BRWD1: variants seen among roughly 807,000 people sequenced by gnomAD.
BRWD1 encodes the protein bromodomain and WD repeat-containing protein 1.
BRWD1 carries 82 observed loss-of-function variants against 251.2 expected under a neutral mutation model. The observed-to-expected ratio is 0.33, with a 90% CI of 0.27 to 0.39. BRWD1 has a LOEUF of 0.39. Among genes scored for constraint, BRWD1 ranks in the 10% least tolerant of loss-of-function variants. The pLI is 1.00. For missense variants in BRWD1, 2,233 were observed against 2,711.6 expected (o/e 0.82, Z 3.92); for synonymous variants, 918 against 902.8 (o/e 1.02, Z -0.30).
At chr21:39,283,212 A>G (rs1452255138) in intron 8 of BRWD1, among the ~76,000 whole-genome samples, 1 of 152,212 alleles carries the variant, frequency 6.6e-6, no homozygotes, top group East Asian at 1.9e-4. Context: ...ATTCTCTTTT[A>G]AATGAGCTTG....
At chr21:39,310,645 C>G (rs8130099) in intron 4 of BRWD1, among the ~76,000 whole-genome samples, 141,037 of 152,214 alleles carry the variant, frequency 0.93, 65,698 homozygotes, top group African/African-American at 0.97. Flanking sequence ...TGATATACAG[C>G]GGTGCATTAC....
At chr21:39,278,952 C>T (rs1361737513) in intron 9 of BRWD1, 139 bp from the exon 10 acceptor site, 2 of 626,872 alleles carry the variant, frequency 3.2e-6, no homozygotes, top group South Asian at 4.9e-5. Flanking sequence ...CCACACTAGA[C>T]ACAAACTCTT....
chr21:39,317,796 C>G (rs555097944), upstream of BRWD1, among the ~76,000 whole-genome samples: 191 of 152,316 alleles, frequency 1.3e-3, no homozygotes, highest in Non-Finnish European at 1.9e-3. Context: ...CTCGTCTGTG[C>G]TATCAGCACT....
At chr21:39,314,465 A>C (rs988125497), upstream of BRWD1, 4 of 385,704 alleles carry the variant, frequency 1.0e-5, no homozygotes, top group Admixed American at 1.2e-4. Context: ...GACGGGCCGC[A>C]GACCCTCCTT....
intron 36 of BRWD1, among the ~76,000 whole-genome samples, chr21:39,208,960 C>T (rs10211894): frequency 1.4e-5 from 2 of 146,276 alleles, no homozygotes; most frequent in Admixed American, 6.9e-5. Flanking sequence ...AACAAAAATT[C>T]TTAAGTTTAC....
chr21:39,225,423 G>C (rs1355079281), intron 27 of BRWD1, among the ~76,000 whole-genome samples: 1 of 152,082 alleles, frequency 6.6e-6, no homozygotes, highest in African/African-American at 2.4e-5. Context: ...TTCAACCAGT[G>C]AAATAAACTG....
At chr21:39,246,544 A>T (rs2034195709) in intron 21 of BRWD1, among the ~76,000 whole-genome samples, 1 of 152,242 alleles carries the variant, frequency 6.6e-6, no homozygotes, top group Non-Finnish European at 1.5e-5. Flanking sequence ...ATGTCTAAAC[A>T]AAAACCTGTC....
At chr21:39,289,156 TCTC>T (rs941423015) in intron 8 of BRWD1, among the ~76,000 whole-genome samples, 1 of 152,200 alleles carries the variant, frequency 6.6e-6, no homozygotes, top group Non-Finnish European at 1.5e-5. Flanking sequence ...ACTGTTTTTT[TCTC>T]CTTTCTTGTT....
At chr21:39,297,733 A>G (rs1305685704) in intron 5 of BRWD1, 9 of 405,796 alleles carry the variant, frequency 2.2e-5, no homozygotes, top group Non-Finnish European at 2.7e-5. Context: ...GCATCACATC[A>G]GCAATAGCTC....
chr21:39,196,674 T>A lies in BRWD1; in HGVS notation c.6395A>T (p.His2132Leu). ...AEKEVKRKRSHPELENVKISE... is the reference protein window; with the variant it reads ...AEKEVKRKRSLPELENVKISE... The stretch of plus-strand genomic sequence containing the variant: ...GATTTTCACATTTTCCAATTCAGGA[T>A]GCGATCTCTTCCTTTTTACTTCCTT... Residue 2132 changes from histidine to leucine, a missense_variant, in exon 41 of 41, where the codon CAT (histidine) becomes CTT (leucine). Transcript: ENST00000342449. 6.2e-7 allele frequency: 1 copy of A among 1,613,998 alleles called. No homozygotes were observed. Among genetic ancestry groups the A allele is most frequent in the Non-Finnish European group, 8.5e-7 (1 of 1,179,902 alleles).
chr21:39,190,106 C>G lies in BRWD1; in HGVS notation c.*6153G>C. 3.0e-6 allele frequency: 3 copies of G among 985,232 alleles called. No individual in the cohort carries two copies. Among genetic ancestry groups the G allele is most frequent in the South Asian group, 4.7e-5 (1 of 21,290 alleles). 61.0% of individuals were successfully genotyped at this position (985,232 alleles called of 1,614,324 possible). On this transcript the variant is annotated 3_prime_UTR_variant, in exon 41 of 41. Coordinates refer to ENST00000342449, the MANE Select transcript of BRWD1 (RefSeq NM_033656.4). ...GATGACCACTTTAAATTATAACTCA[C>G]AGATATGTGTGTATTCTAAGATGGT...
chr21:39,295,786 A>G lies in BRWD1; in HGVS notation c.566T>C (p.Val189Ala). The change falls in exon 7 of 41, where the codon GTT becomes GCT. Residue 189 changes from valine to alanine, a missense_variant. Coordinates refer to ENST00000342449, the MANE Select transcript of BRWD1 (RefSeq NM_033656.4). ...TGTCCTATCAAATGCTACACAGTAAACAGCAGATAGATGTCCGAGAATCCT... is the reference window on the plus strand; with the variant it reads ...TGTCCTATCAAATGCTACACAGTAAGCAGCAGATAGATGTCCGAGAATCCT... ...HRRILGHLSA[V>A]YCVAFDRTGH... is the part of the protein sequence containing the mutation. The G allele has an allele frequency of 6.2e-7, 1 of 1,611,194 alleles. No individual in the cohort carries two copies. The highest frequency in any genetic ancestry group is 8.5e-7 in the Non-Finnish European group (1 of 1,178,304).
chr21:39,224,995 T>C (rs921392244), intron 28 of BRWD1, 91 bp downstream of exon 28: 4 of 985,726 alleles, frequency 4.1e-6, no homozygotes, highest in Non-Finnish European at 6.3e-6. Context: ...ATAAAAACCA[T>C]GTTTTTTTAA....
chr21:39,309,002 C>T (rs1195684245), intron 4 of BRWD1, among the ~76,000 whole-genome samples: 1 of 151,982 alleles, frequency 6.6e-6, no homozygotes, highest in Non-Finnish European at 1.5e-5. Flanking sequence ...GGTGAACAGC[C>T]GTCTCTACTA....
At chr21:39,215,590 C>T (rs2032855496) in intron 31 of BRWD1, among the ~76,000 whole-genome samples, 1 of 152,178 alleles carries the variant, frequency 6.6e-6, no homozygotes, top group Non-Finnish European at 1.5e-5. Flanking sequence ...TAACAAATTA[C>T]TTAATCACAT....
intron 37 of BRWD1, among the ~76,000 whole-genome samples, chr21:39,204,578 T>C (rs2032300293): frequency 6.6e-6 from 1 of 152,210 alleles, no homozygotes; most frequent in South Asian, 2.1e-4. Context: ...AGGGTACATT[T>C]TCCCTTACAC....
rs892467029 is a variant in BRWD1, at chr21:39,189,406, A to G, written c.*6853T>C. On this transcript the variant is annotated 3_prime_UTR_variant, in exon 41 of 41. Transcript: ENST00000342449. ...ACCTATACTGACAATTTAGGAACCT[A>G]GTAAATACTAATTCTAACACATTTT... The G allele has an allele frequency of 3.1e-6, 3 of 971,144 alleles. No homozygotes were observed. Among genetic ancestry groups the G allele is most frequent in the African/African-American group, 1.8e-5 (1 of 56,922 alleles). The allele number at this position is 971,144 out of a possible 1,614,324, so 60.2% of individuals were successfully genotyped here.
rs9981595 is a variant in BRWD1, at chr21:39,188,752, T to G, written c.*7507A>C. On this transcript the variant is annotated 3_prime_UTR_variant, in exon 41 of 41. Transcript: ENST00000342449. ...GTTGAGCGTTCTCCCCAGAATAGGT[T>G]AGGAAATACTTTATTCAAAGCAACC... 0.13 allele frequency: 123,514 copies of G among 985,278 alleles called. 8,098 individuals are homozygous for G. Among genetic ancestry groups the G allele is most frequent in the East Asian group, 0.14 (1,271 of 8,814 alleles). The allele number at this position is 985,278 out of a possible 1,614,324, so 61.0% of individuals were successfully genotyped here.
At chr21:39,304,316 T>C (rs1157307376) in intron 4 of BRWD1, among the ~76,000 whole-genome samples, 1 of 150,186 alleles carries the variant, frequency 6.7e-6, no homozygotes, top group Non-Finnish European at 1.5e-5. Flanking sequence ...TTTAATTATG[T>C]TAAATACAAA....
Sources: gnomAD v4.1 joint callset for allele counts (sites outside exome capture counted in the v4.1 genomes callset) on GRCh38, gnomAD v4.1.1 for gene constraint, MANE v1.5 for transcripts, NCBI Gene and HGNC (gene_info 2026-07-23, HGNC 2026-07-21) for gene names.